RPS6KA5: variants seen among roughly 807,000 people sequenced by gnomAD.
RPS6KA5 encodes ribosomal protein S6 kinase alpha-5.
RPS6KA5 carries 27 observed loss-of-function variants against 85.5 expected under a neutral mutation model. The observed-to-expected ratio is 0.32, with a 90% confidence interval of 0.23 to 0.44. The LOEUF (loss-of-function observed/expected upper bound fraction) is 0.44. Among genes scored for constraint, RPS6KA5 ranks in the 20% least tolerant of loss-of-function variants. The pLI, the probability that RPS6KA5 is intolerant of heterozygous loss-of-function variation, is 1.00. For missense variants in RPS6KA5, 811 were observed against 980.9 expected, an observed-to-expected ratio of 0.83 and a Z score of 2.31; for synonymous variants, 334 against 348.2, an observed-to-expected ratio of 0.96 and a Z score of 0.46.
intron 1 of RPS6KA5, among the ~76,000 whole-genome samples, chr14:91,017,239 C>T (rs1414367200): frequency 6.6e-6 from 1 of 152,220 alleles, no homozygotes; most frequent in Non-Finnish European, 1.5e-5. Context: ...AGGTTGATAA[C>T]ACTGAACTGC....
intron 7 of RPS6KA5, among the ~76,000 whole-genome samples, 167 bp from the exon 8 acceptor site, chr14:90,906,466 C>T (rs1232592809): frequency 6.6e-6 from 1 of 151,612 alleles, no homozygotes; most frequent in African/African-American, 2.4e-5. Flanking sequence ...GAATGAGATA[C>T]CATAAAGTCA....
chr14:90,997,353 T>C (rs963495114), intron 2 of RPS6KA5, among the ~76,000 whole-genome samples: 1 of 152,212 alleles, frequency 6.6e-6, no homozygotes, highest in Non-Finnish European at 1.5e-5. Context: ...AACTTGTACA[T>C]GAATGTTCAT....
intron 7 of RPS6KA5, among the ~76,000 whole-genome samples, chr14:90,907,682 A>G (rs1324475141): frequency 6.6e-6 from 1 of 152,222 alleles, no homozygotes; most frequent in African/African-American, 2.4e-5. Context: ...GGAACCCAAG[A>G]AAATGTTGGT....
chr14:90,921,896 AGT>A (rs2036418225), intron 6 of RPS6KA5, among the ~76,000 whole-genome samples: 1 of 152,208 alleles, frequency 6.6e-6, no homozygotes, highest in Non-Finnish European at 1.5e-5. Context: ...ATAAAACAGA[AGT>A]GTTAAAAAAT....
chr14:90,860,889 A>AT lies in RPS6KA5; in HGVS notation c.*11184dup, dbSNP rs565344552. On this transcript the variant is annotated 3_prime_UTR_variant, in exon 17 of 17. Coordinates refer to ENST00000614987, the MANE Select transcript of RPS6KA5 (RefSeq NM_004755.4). ...TGAGCAAACAAACAATATAGAGTCT[A>AT]TTTTTTTTTTTTTTTTTTTGAGATG... The AT allele has an allele frequency of 0.046, 5,904 of 127,574 alleles. 234 individuals are homozygous for AT. Among genetic ancestry groups the AT allele is most frequent in the African/African-American group, 0.11 (3,859 of 34,204 alleles). 7.9% of individuals were successfully genotyped at this position (127,574 alleles called of 1,614,324 possible). A position where few individuals can be genotyped will look rare whatever the true frequency, so the allele number is the denominator to read the frequency against.
chr14:90,937,799 GA>G (rs750421963), intron 5 of RPS6KA5, among the ~76,000 whole-genome samples: 47 of 152,098 alleles, frequency 3.1e-4, no homozygotes, highest in Middle Eastern at 3.2e-3. Flanking sequence ...AACAGCATGG[GA>G]AAAACTTGCC....
intron 3 of RPS6KA5, among the ~76,000 whole-genome samples, chr14:90,965,704 G>T (rs1261661323): frequency 6.6e-6 from 1 of 152,146 alleles, no homozygotes; most frequent in East Asian, 1.9e-4. Context: ...GGAAAGCTTA[G>T]CAATCTAGTA....
intron 14 of RPS6KA5, among the ~76,000 whole-genome samples, chr14:90,879,623 T>C (rs140311061): frequency 1.3e-5 from 2 of 152,332 alleles, no homozygotes; most frequent in African/African-American, 4.8e-5. Context: ...CACTTGGTGA[T>C]GACACGTGGC....
In RPS6KA5 at chr14:90,885,690, G is replaced by A. The variant is rs1450300697; in HGVS notation, c.1836+4797C>T. On this transcript the variant is annotated intron_variant, in intron 14 of 16. Coordinates refer to ENST00000614987, the MANE Select transcript of RPS6KA5 (RefSeq NM_004755.4). ...CTAGGAGGCGGAGCTTGCAGTAAGCGGAGATCACGCCACTGCACTCCAGCC... is the reference window on the plus strand; with the variant it reads ...CTAGGAGGCGGAGCTTGCAGTAAGCAGAGATCACGCCACTGCACTCCAGCC... 4.7e-5 allele frequency among the ~76,000 whole-genome samples: 6 copies of A among 126,702 alleles called. No homozygotes were observed. The East Asian group carries it at 1.0e-3, about 21-fold the overall frequency. 83.1% of individuals were successfully genotyped at this position (126,702 alleles called of 152,430 possible). A position where few individuals can be genotyped will look rare whatever the true frequency, so the allele number is the denominator to read the frequency against.
rs1306083113 is a variant in RPS6KA5 at position 91,060,366 on chromosome 14, C to G, written c.69G>C (p.Glu23Asp). ...GCTCGTGCTTGACAGTGAGGAGCTG[C>G]TCTCCTCCGTCGCCGCCGTCCGCGC... Reference protein sequence around the residue: ...GTSADGGDGGEQLLTVKHELR... With the variant: ...GTSADGGDGGDQLLTVKHELR... Residue 23 changes from glutamate (E) to aspartate (D), a missense_variant, in exon 1 of 17, where the codon GAG becomes GAC. By Grantham distance (45) the Glu-to-Asp change is conservative. Around this residue, in one of 3 missense-constraint regions of RPS6KA5, gnomAD observed 113 missense variants for 100.0 expected, o/e 1.13. Transcript: ENST00000614987. 6.7e-7 allele frequency: 1 copy of G among 1,503,148 alleles called. No individual in the cohort carries two copies. The highest frequency in any genetic ancestry group is 8.9e-7 in the Non-Finnish European group (1 of 1,120,232). The allele number at this position is 1,503,148 out of a possible 1,614,324, so 93.1% of individuals were successfully genotyped here. A position where few individuals can be genotyped will look rare whatever the true frequency, so the allele number is the denominator to read the frequency against.
At position 91,060,464 on chromosome 14, in the gene RPS6KA5, G is replaced by T. The variant is rs375495496; in HGVS notation, c.-30C>A. 2,575 of 1,399,100 alleles carry T rather than the reference G, an allele frequency of 1.8e-3. 13 individuals are homozygous for T. Among genetic ancestry groups the T allele is most frequent in the Middle Eastern group, 8.4e-3 (44 of 5,226 alleles). 86.7% of individuals were successfully genotyped at this position (1,399,100 alleles called of 1,614,324 possible). ...TCCTTTTTTTCCGATCCCGCGGGTCGCTACGAGGGGAACCCAGGAGACAGC... is the reference window on the plus strand; with the variant it reads ...TCCTTTTTTTCCGATCCCGCGGGTCTCTACGAGGGGAACCCAGGAGACAGC... On this transcript the variant is annotated 5_prime_UTR_variant, in exon 1 of 17. Transcript: ENST00000614987.
rs1243365361 is a variant in RPS6KA5, at chr14:90,902,892, C to T, written c.1035G>A (p.Val345=). 6.2e-7 allele frequency: 1 copy of T among 1,614,040 alleles called. No individual in the cohort carries two copies. The highest frequency in any genetic ancestry group is 8.5e-7 in the Non-Finnish European group (1 of 1,179,980). Reference sequence around the variant, plus strand: ...CTGTGAACTCTTCTGCAAAGTTACTCACATCTAATTCATCTCGAATGACTG... The same window carrying T: ...CTGTGAACTCTTCTGCAAAGTTACTTACATCTAATTCATCTCGAATGACTG... ...FKPVIRDELD[V]SNFAEEFTEM... Residue 345 remains valine (V), a synonymous_variant, in exon 9 of 17, where the codon GTG becomes GTA. Coordinates refer to ENST00000614987, the MANE Select transcript of RPS6KA5 (RefSeq NM_004755.4).
chr14:90,962,843 A>G (rs2038876690), intron 3 of RPS6KA5, among the ~76,000 whole-genome samples: 2 of 152,188 alleles, frequency 1.3e-5, no homozygotes. Flanking sequence ...TTCCTGAACC[A>G]GCTGAGAATA....
At chr14:90,949,339 T>C (rs1282722534) in intron 3 of RPS6KA5, among the ~76,000 whole-genome samples, 1 of 152,240 alleles carries the variant, frequency 6.6e-6, no homozygotes, top group Non-Finnish European at 1.5e-5. Context: ...TACTTTCTTC[T>C]ATGTTAGCAC....
intron 7 of RPS6KA5, among the ~76,000 whole-genome samples, chr14:90,910,371 C>T (rs2035737854): frequency 6.6e-6 from 1 of 152,024 alleles, no homozygotes; most frequent in Admixed American, 6.6e-5. Flanking sequence ...AAAGGGTAGA[C>T]ACCAAAATTA....
chr14:90,973,000 C>T (rs1262552799), intron 3 of RPS6KA5, among the ~76,000 whole-genome samples: 1 of 152,218 alleles, frequency 6.6e-6, no homozygotes, highest in African/African-American at 2.4e-5. Context: ...ATTAACTCTA[C>T]AATGAGACAC....
chr14:90,909,748 G>T (rs2035698099), intron 7 of RPS6KA5, among the ~76,000 whole-genome samples: 1 of 152,094 alleles, frequency 6.6e-6, no homozygotes, highest in Non-Finnish European at 1.5e-5. Context: ...GAACATAGAT[G>T]ACACATTGTG....
At chr14:91,002,112 A>G (rs901657720) in intron 1 of RPS6KA5, among the ~76,000 whole-genome samples, 1 of 152,134 alleles carries the variant, frequency 6.6e-6, no homozygotes, top group Non-Finnish European at 1.5e-5. Context: ...TCCAAATCCT[A>G]ATTATGCCAC....
At chr14:91,008,029 T>C (rs1334571339) in intron 1 of RPS6KA5, among the ~76,000 whole-genome samples, 1 of 152,242 alleles carries the variant, frequency 6.6e-6, no homozygotes, top group African/African-American at 2.4e-5. Context: ...ATTGTAAGTA[T>C]AATTTGTATA....
Sources: allele counts gnomAD v4.1 joint callset (sites outside exome capture counted in the v4.1 genomes callset), GRCh38; gene constraint gnomAD v4.1.1; regional missense constraint gnomAD v4.1.1; transcripts MANE v1.5; gene names NCBI Gene and HGNC (gene_info 2026-07-23, HGNC 2026-07-21).